Variants in OGG1 observed in about 807,000 individuals in gnomAD.
OGG1 encodes 8-oxoguanine DNA glycosylase.
In OGG1, 35 loss-of-function variants were observed where a neutral mutation model predicts 42.3. The observed-to-expected ratio is 0.83, with a 90% CI of 0.63 to 1.10. The LOEUF (loss-of-function observed/expected upper bound fraction) is 1.10. Among genes scored for constraint, OGG1 ranks in the 50% least tolerant of loss-of-function variants. The probability of loss-of-function intolerance (pLI) is 0.00; values close to 1 mark genes in which losing one functional copy is unlikely to be tolerated. For missense variants in OGG1, 484 were observed against 446.7 expected (o/e 1.08, Z -0.75); for synonymous variants, 189 against 179.0 (o/e 1.06, Z -0.44).
At chr3:9,779,414 C>CT (rs1339750128) in intron 2 of OGG1, among the ~76,000 whole-genome samples, 1 of 152,134 alleles carries the variant, frequency 6.6e-6, no homozygotes, top group Admixed American at 6.5e-5. Context: ...CTGGCCCCAA[C>CT]TGCTCCACTG....
exon 4 of OGG1, chr3:9,787,842 T>C (rs961678321): frequency 2.1e-5 from 13 of 627,584 alleles, no homozygotes; most frequent in Middle Eastern, 3.0e-4. Context: ...AGTGCTTTGG[T>C]GGAGGTAACA....
At chr3:9,768,229 C>T (rs1158662848), downstream of OGG1, among the ~76,000 whole-genome samples, 1 of 152,188 alleles carries the variant, frequency 6.6e-6, no homozygotes, top group Admixed American at 6.5e-5. Context: ...CCCGACTCCC[C>T]GGCCTCTCCG....
chr3:9,756,644 G>C (rs201514979), intron 5 of OGG1, 23 bp downstream of exon 5: 10 of 1,612,304 alleles, frequency 6.2e-6, no homozygotes, highest in Non-Finnish European at 8.5e-6. Flanking sequence ...GGCTGCAGGG[G>C]CTGGCAGTGG....
chr3:9,759,272 C>T, downstream of OGG1: 1 of 1,613,540 alleles, frequency 6.2e-7, no homozygotes, highest in Non-Finnish European at 8.5e-7. Context: ...CAGACTTCTT[C>T]CTCTAGACTT....
downstream of OGG1, chr3:9,762,018 T>C: frequency 2.6e-6 from 1 of 390,318 alleles, no homozygotes; most frequent in Non-Finnish European, 4.7e-6. Context: ...TGAATGCCTA[T>C]TTTATGCCAG....
intron 2 of OGG1, among the ~76,000 whole-genome samples, chr3:9,776,894 G>A (rs2078372578): frequency 6.6e-6 from 1 of 152,224 alleles, no homozygotes; most frequent in African/African-American, 2.4e-5. Flanking sequence ...GAGAAGAAAT[G>A]GGGAGTTTAT....
chr3:9,781,636 G>T (rs571536095), intron 3 of OGG1: 2 of 450,858 alleles, frequency 4.4e-6, no homozygotes, highest in South Asian at 1.6e-5. Context: ...TCTGAACAGG[G>T]TCTGATTTAT....
rs766025822 is a variant in OGG1 at position 9,750,364 on chromosome 3, C to T, written c.78C>T (p.Ile26=). The T allele has an allele frequency of 6.2e-6, 10 of 1,614,062 alleles. No homozygotes were observed. The South Asian group carries it at 8.8e-5, about 14-fold the overall frequency. ...LASTPALWAS[I]PCPRSELRLD... is the part of the protein sequence containing the mutation. Reference sequence around the variant, plus strand: ...CCACTCCTGCCCTGTGGGCCTCCATCCCGTGCCCTCGCTCTGAGCTGCGCC... The same window carrying T: ...CCACTCCTGCCCTGTGGGCCTCCATTCCGTGCCCTCGCTCTGAGCTGCGCC... The change falls in exon 1 of 7, where the codon ATC becomes ATT. Residue 26 remains isoleucine, a synonymous_variant. Transcript: ENST00000344629.
downstream of OGG1, among the ~76,000 whole-genome samples, chr3:9,788,658 G>C (rs889965899): frequency 2.6e-5 from 4 of 151,792 alleles, no homozygotes; most frequent in African/African-American, 9.7e-5. Context: ...TCCTGGCTCA[G>C]CCTCCCGAGT....
chr3:9,761,659 G>A (rs757321703), downstream of OGG1: 9 of 1,614,026 alleles, frequency 5.6e-6, no homozygotes, highest in Admixed American at 8.3e-5. Context: ...CACAGGCGGT[G>A]GAGAGCACAC....
intron 2 of OGG1, chr3:9,780,168 AGCAGG>A: frequency 1.8e-6 from 1 of 552,256 alleles, no homozygotes; most frequent in Non-Finnish European, 3.1e-6. Context: ...AGGCTAGCCC[AGCAGG>A]GCTTCCTGTG....
In OGG1 at chr3:9,750,383, C is replaced by T. The variant is rs2077242743; in HGVS notation, c.97C>T (p.Leu33=). ...CTCCATCCCGTGCCCTCGCTCTGAG[C>T]TGCGCCTGGACCTGGTTCTGCCTTC... ...WASIPCPRSE[L]RLDLVLPSGQ... is the part of the protein sequence containing the mutation. The change falls in exon 1 of 7, where the codon CTG becomes TTG. Residue 33 remains leucine (L), a synonymous_variant. Transcript: ENST00000344629. 1 of 1,614,078 alleles carries T rather than the reference C, an allele frequency of 6.2e-7. No individual in the cohort carries two copies. The highest frequency in any genetic ancestry group is 8.5e-7 in the Non-Finnish European group (1 of 1,180,028).
At chr3:9,761,153 C>T (rs2077846552), downstream of OGG1, 2 of 349,656 alleles carry the variant, frequency 5.7e-6, no homozygotes, top group East Asian at 5.5e-5. Context: ...TTATTTTTAT[C>T]ACCTGACGTC....
downstream of OGG1, chr3:9,767,539 A>T: frequency 8.5e-7 from 1 of 1,177,916 alleles, no homozygotes; most frequent in Non-Finnish European, 1.2e-6. Flanking sequence ...GGGACAGTTT[A>T]GGCCCTAGAT....
chr3:9,756,809 C>A lies in OGG1; in HGVS notation c.941C>A (p.Ala314Asp). 1.2e-6 allele frequency: 2 copies of A among 1,613,962 alleles called. No individual in the cohort carries two copies. The highest frequency in any genetic ancestry group is 8.5e-7 in the Non-Finnish European group (1 of 1,179,976). Residue 314 changes from alanine (A) to aspartate (D), a missense_variant, in exon 6 of 7, where the codon GCC becomes GAC. Ala to Asp is a moderately radical substitution (Grantham distance 126). Coordinates refer to ENST00000344629, the MANE Select transcript of OGG1 (RefSeq NM_002542.6). ...RSLWGPYAGW[A>D]QAVLFSADLR... Reference sequence around the variant, plus strand: ...CTGTGGGGACCTTATGCTGGCTGGGCCCAAGCGGTGAGTGTACCTAGGTGT... The same window carrying A: ...CTGTGGGGACCTTATGCTGGCTGGGACCAAGCGGTGAGTGTACCTAGGTGT...
exon 8 of OGG1, chr3:9,765,963 A>G (rs745593044): frequency 1.3e-5 from 21 of 1,613,768 alleles, no homozygotes; most frequent in Admixed American, 3.3e-5. Flanking sequence ...TCCATTCCCT[A>G]TGGGTTCTGT....
chr3:9,785,250 T>G lies in OGG1; in HGVS notation c.383-2478T>G, dbSNP rs1344714787. The G allele has an allele frequency of 9.1e-6, 12 of 1,311,822 alleles. 1 individual carries two copies. In the South Asian group the frequency reaches 1.5e-4, roughly 16 times the overall value. 81.3% of individuals were successfully genotyped at this position (1,311,822 alleles called of 1,614,324 possible). Reference sequence around the variant, plus strand: ...TCTTACTGATGAGGACTTCCCCAGGTTGAGATGGAGAGAAGCCAACAGAAG... The same window carrying G: ...TCTTACTGATGAGGACTTCCCCAGGGTGAGATGGAGAGAAGCCAACAGAAG... On this transcript the variant is annotated intron_variant, in intron 3 of 3. Coordinates refer to the OGG1 transcript ENST00000426518.
chr3:9,758,014 A>G, downstream of OGG1: 2 of 1,013,944 alleles, frequency 2.0e-6, no homozygotes. Context: ...GCTTTATTAT[A>G]TATTTACACA....
intron 2 of OGG1, among the ~76,000 whole-genome samples, chr3:9,772,091 T>G (rs910662051): frequency 6.6e-6 from 1 of 152,184 alleles, no homozygotes; most frequent in Non-Finnish European, 1.5e-5. Flanking sequence ...GTGCTGGAAT[T>G]ACAGGCATGA....
Sources: allele counts gnomAD v4.1 joint callset (sites outside exome capture counted in the v4.1 genomes callset), GRCh38; gene constraint gnomAD v4.1.1; transcripts MANE v1.5; gene names NCBI Gene and HGNC (gene_info 2026-07-23, HGNC 2026-07-21).